The following PRDM15 variants were observed in gnomAD, a reference collection of about 807,000 sequenced individuals.
PRDM15 encodes PR/SET domain 15, also known as PR domain zinc finger protein 15.
A neutral mutation model predicts 128.6 loss-of-function variants in PRDM15; 64 were observed. The ratio of observed to expected loss-of-function variants is 0.50; its 90% CI spans 0.41 to 0.61. The LOEUF is 0.61. Among genes scored for constraint, PRDM15 ranks in the 20% least tolerant of loss-of-function variants. The probability of loss-of-function intolerance (pLI) is 0.00; values close to 1 mark genes in which losing one functional copy is unlikely to be tolerated. For synonymous variants in PRDM15, 615 were observed against 621.8 expected, an observed-to-expected ratio of 0.99 and a Z score of 0.16; for missense variants, 1,242 against 1,569.1, an observed-to-expected ratio of 0.79 and a Z score of 3.52.
intron 14 of PRDM15, among the ~76,000 whole-genome samples, chr21:41,822,941 G>A (rs1252882102): frequency 4.0e-5 from 6 of 151,898 alleles, no homozygotes; most frequent in South Asian, 4.2e-4. Context: ...AGGCTGAGGC[G>A]GGAGAATCAC....
At chr21:41,844,594 CACATACAGCCCCTCCCCCTCACAGGG>C (rs2063182039) in intron 6 of PRDM15, among the ~76,000 whole-genome samples, 1 of 91,878 alleles carries the variant, frequency 1.1e-5, no homozygotes, top group African/African-American at 4.4e-5. Context: ...CTCACAGGGA[CACATACAGCCCCTCCCCCTCACAGGG>C]ACACACAGCC....
At position 41,859,107 on chromosome 21, in the gene PRDM15, G is replaced by A. The variant is rs1220247310; in HGVS notation, c.131+485C>T. On this transcript the variant is annotated intron_variant, in intron 3 of 23. Transcript: ENST00000398548. This position sits in a 1 kb window ranked among gnomAD's most constrained non-coding sequence, Gnocchi z 5.3. Reference sequence around the variant, plus strand: ...CAGGGCAGCTGCTGCCCACTGAGCCGCCTCACCAGGCCTGCAGGGACTGCT... The same window carrying A: ...CAGGGCAGCTGCTGCCCACTGAGCCACCTCACCAGGCCTGCAGGGACTGCT... 17 of 1,601,386 alleles carry A rather than the reference G, an allele frequency of 1.1e-5. No individual in the cohort carries two copies. The highest frequency in any genetic ancestry group is 1.7e-5 in the Admixed American group (1 of 57,694).
intron 1 of PRDM15, among the ~76,000 whole-genome samples, chr21:41,875,573 C>A (rs376712450): frequency 2.4e-4 from 37 of 152,354 alleles, no homozygotes; most frequent in Admixed American, 9.8e-4. Context: ...AATCTAGGCA[C>A]GGTGACGTGA....
At chr21:41,833,440 C>T (rs191397745) in intron 11 of PRDM15, among the ~76,000 whole-genome samples, 110 of 152,320 alleles carry the variant, frequency 7.2e-4, no homozygotes, top group African/African-American at 2.6e-3. Context: ...TCCAGTGCCA[C>T]CCACCACTGG....
At chr21:41,853,979 T>C (rs1489012644) in intron 5 of PRDM15, among the ~76,000 whole-genome samples, 1 of 152,156 alleles carries the variant, frequency 6.6e-6, no homozygotes, top group Non-Finnish European at 1.5e-5. Context: ...CCTCATAGGA[T>C]TAGGAGGATG....
intron 9 of PRDM15, 86 bp from the exon 10 acceptor site, chr21:41,836,293 C>T: frequency 7.4e-7 from 1 of 1,349,200 alleles, no homozygotes. Context: ...GCCCCACAAG[C>T]CGCCTCGCTC....
chr21:41,815,083 T>C (rs1439587930), intron 19 of PRDM15: 1 of 154,954 alleles, frequency 6.5e-6, no homozygotes, highest in East Asian at 1.9e-4. Flanking sequence ...GTGTTAGAGA[T>C]GGCGCAGGCT....
Position 41,839,741 on chromosome 21 carries a change from C to T in PRDM15, c.753G>A (p.Val251=). The T allele has an allele frequency of 6.2e-7, 1 of 1,614,258 alleles. No individual in the cohort carries two copies. The change falls in exon 7 of 24, where the codon GTG becomes GTA. Residue 251 remains valine, a synonymous_variant. Coordinates refer to ENST00000398548, the MANE Select transcript of PRDM15 (RefSeq NM_001040424.3). ...QDTPRGEPPA[V]PESENVATKE... ...TGGTGGCAACATTCTCGCTCTCGGGCACTGCAGGGGGTTCCCCCCGGGGTG... is the reference window on the plus strand; with the variant it reads ...TGGTGGCAACATTCTCGCTCTCGGGTACTGCAGGGGGTTCCCCCCGGGGTG...
intron 11 of PRDM15, among the ~76,000 whole-genome samples, chr21:41,830,630 A>G (rs1179085191): frequency 3.3e-5 from 5 of 150,918 alleles, no homozygotes; most frequent in Non-Finnish European, 7.4e-5. Flanking sequence ...ACACCACAGA[A>G]ATACTCAACA....
chr21:41,839,648 G>A lies in PRDM15; in HGVS notation c.846C>T (p.Val282=). 6.2e-7 allele frequency: 1 copy of A among 1,614,198 alleles called. No individual in the cohort carries two copies. Among genetic ancestry groups the A allele is most frequent in the Non-Finnish European group, 8.5e-7 (1 of 1,180,018 alleles). ...PKVSKAEQPL[V]IVEDKEPTEQ... ...CTGTGGGTTCCTTGTCTTCCACGAT[G>A]ACTAGAGGCTGCTCAGCTTTGGACA... The change falls in exon 7 of 24, where the codon GTC becomes GTT. Residue 282 remains valine (V), a synonymous_variant. Transcript: ENST00000398548.
chr21:41,806,562 CATCACCAT>C (rs2061663359), intron 21 of PRDM15, among the ~76,000 whole-genome samples: 1 of 4,620 alleles, frequency 2.2e-4, no homozygotes, highest in South Asian at 0.011. Flanking sequence ...CCACCATCAC[CATCACCAT>C]ACCACCACCA....
chr21:41,805,291 G>A (rs967465609), intron 21 of PRDM15, among the ~76,000 whole-genome samples: 4 of 152,202 alleles, frequency 2.6e-5, no homozygotes, highest in South Asian at 2.1e-4. Flanking sequence ...AACGGACAAC[G>A]AGTACAGAGA....
chr21:41,820,956 G>A (rs1237720632), intron 16 of PRDM15, 111 bp downstream of exon 16: 1 of 1,374,646 alleles, frequency 7.3e-7, no homozygotes, highest in African/African-American at 1.4e-5. Flanking sequence ...GAGACCCAGA[G>A]GACATCACTT....
Position 41,821,358 on chromosome 21 carries a change from G to A in PRDM15, c.1897-128C>T. On this transcript the variant is annotated intron_variant, in intron 15 of 23. Coordinates refer to ENST00000398548, the MANE Select transcript of PRDM15 (RefSeq NM_001040424.3). The surrounding 1 kb of genome is among the most constrained non-coding windows in gnomAD (Gnocchi z 5.4). ...GAGAGCCCATGACTCATGCCAGGGT[G>A]GAAGGGACTCTCAGAGGCTTGATGG... 2.7e-6 allele frequency: 3 copies of A among 1,102,842 alleles called. No individual in the cohort carries two copies. The highest frequency in any genetic ancestry group is 3.0e-5 in the South Asian group (2 of 67,784). The allele number at this position is 1,102,842 out of a possible 1,614,324, so 68.3% of individuals were successfully genotyped here.
Position 41,860,273 on chromosome 21 carries a change from G to A in PRDM15, c.37+54C>T, listed in dbSNP as rs184989541. On this transcript the variant is annotated intron_variant, in intron 2 of 23. Coordinates refer to ENST00000398548, the MANE Select transcript of PRDM15 (RefSeq NM_001040424.3). The stretch of plus-strand genomic sequence containing the variant: ...GACAGCAAGCGCCACGCCCATCTGT[G>A]TTCTATGACATAGGGCTGGTCTCGG... The A allele has an allele frequency of 6.9e-6, 10 of 1,454,326 alleles. No homozygotes were observed. The Admixed American group carries it at 1.7e-4, about 25-fold the overall frequency. The allele number at this position is 1,454,326 out of a possible 1,614,324, so 90.1% of individuals were successfully genotyped here.
At chr21:41,835,903 G>C (rs1248119548) in intron 10 of PRDM15, among the ~76,000 whole-genome samples, 1 of 149,400 alleles carries the variant, frequency 6.7e-6, no homozygotes, top group Non-Finnish European at 1.5e-5. Context: ...GGCACCCACA[G>C]CCCTCGCCCA....
chr21:41,810,341 C>T lies in PRDM15; in HGVS notation c.2477-12G>A. The T allele has an allele frequency of 6.2e-7, 1 of 1,606,294 alleles. No individual in the cohort carries two copies. The highest frequency in any genetic ancestry group is 8.5e-7 in the Non-Finnish European group (1 of 1,175,576). ...CCACTGCTTGCCCACTTTTCACACA[C>T]ACGCAGACACACATGCGCGTGGAAA... On this transcript the variant is annotated splice_polypyrimidine_tract_variant and intron_variant, in intron 20 of 23. Transcript: ENST00000398548. This position sits in a 1 kb window ranked among gnomAD's most constrained non-coding sequence, Gnocchi z 6.4.
Position 41,821,320 on chromosome 21 carries a change from C to T in PRDM15, c.1897-90G>A, listed in dbSNP as rs80064758. 5,184 of 1,449,308 alleles carry T rather than the reference C, an allele frequency of 3.6e-3. 156 individuals carry two copies. The African/African-American group carries it at 0.064, about 18-fold the overall frequency. 89.8% of individuals were successfully genotyped at this position (1,449,308 alleles called of 1,614,324 possible). On this transcript the variant is annotated intron_variant, in intron 15 of 23. Transcript: ENST00000398548. The surrounding 1 kb of genome is among the most constrained non-coding windows in gnomAD (Gnocchi z 5.4). Reference sequence around the variant, plus strand: ...GAGGTCGTGTCCACAAACCAGGGCACCCGACACGCCCTGAGAGCCCATGAC... The same window carrying T: ...GAGGTCGTGTCCACAAACCAGGGCATCCGACACGCCCTGAGAGCCCATGAC...
At position 41,854,792 on chromosome 21, in the gene PRDM15, C is replaced by T; in HGVS notation, c.312G>A (p.Val104=). 2 of 1,605,174 alleles carry T rather than the reference C, an allele frequency of 1.2e-6. No homozygotes were observed. Among genetic ancestry groups the T allele is most frequent in the Non-Finnish European group, 1.7e-6 (2 of 1,173,180 alleles). ...LKVFQKDGHP[V]CFDTSNEDDC... is the part of the protein sequence containing the mutation. ...CATCCTCGTTGGAGGTGTCGAAGCACACGGGGTGCCCGTCCTTCTGGAACA... is the reference window on the plus strand; with the variant it reads ...CATCCTCGTTGGAGGTGTCGAAGCATACGGGGTGCCCGTCCTTCTGGAACA... Residue 104 remains valine, a synonymous_variant, in exon 5 of 24, where the codon GTG becomes GTA. Coordinates refer to ENST00000398548, the MANE Select transcript of PRDM15 (RefSeq NM_001040424.3). This position sits in a 1 kb window ranked among gnomAD's most constrained non-coding sequence, Gnocchi z 4.6.
Sources: gnomAD v4.1 joint callset for allele counts (sites outside exome capture counted in the v4.1 genomes callset) on GRCh38, gnomAD v4.1.1 for gene constraint, Gnocchi (gnomAD v3.1) non-coding constraint, MANE v1.5 for transcripts, NCBI Gene and HGNC (gene_info 2026-07-23, HGNC 2026-07-21) for gene names.